Variants in ITPR3 observed in about 807,000 individuals in gnomAD.
ITPR3 encodes inositol 1,4,5-trisphosphate receptor type 3, also known as inositol 1,4,5-trisphosphate-gated calcium channel ITPR3.
A neutral mutation model predicts 293.2 loss-of-function variants in ITPR3; 173 were observed. The observed-to-expected ratio is 0.59, with a 90% CI of 0.52 to 0.67. The LOEUF is 0.67. Among genes scored for constraint, ITPR3 ranks in the 30% least tolerant of loss-of-function variants. ITPR3 has a pLI of 0.00. For missense variants in ITPR3, 2,796 were observed against 3,592.1 expected, an observed-to-expected ratio of 0.78 and a Z score of 5.66; for synonymous variants, 1,295 against 1,444.4, an observed-to-expected ratio of 0.90 and a Z score of 2.35.
intron 43 of ITPR3, 40 bp downstream of exon 43, chr6:33,686,559 T>C (rs767405834): frequency 6.9e-7 from 1 of 1,448,564 alleles, no homozygotes; most frequent in African/African-American, 1.4e-5. Context: ...TGGGTGTGCA[T>C]GTGATGTGCA....
At position 33,696,090 on chromosome 6, in the gene ITPR3, G is replaced by A. The variant is rs1765536863; in HGVS notation, c.*310G>A. On this transcript the variant is annotated 3_prime_UTR_variant, in exon 58 of 58. Coordinates refer to ENST00000605930, the MANE Select transcript of ITPR3 (RefSeq NM_002224.4). ...TTAAAGCAATAACTGACAACTCTTT[G>A]TAGTCCTCCTTGTGGGTAGTTAAGA... The A allele has an allele frequency of 2.8e-6, 1 of 356,428 alleles. No homozygotes were observed. The highest frequency in any genetic ancestry group is 4.3e-5 in the Admixed American group (1 of 23,380). 22.1% of individuals were successfully genotyped at this position (356,428 alleles called of 1,614,324 possible). A position where few individuals can be genotyped will look rare whatever the true frequency, so the allele number is the denominator to read the frequency against.
At position 33,693,565 on chromosome 6, in the gene ITPR3, G is replaced by T; in HGVS notation, c.7645G>T (p.Asp2549Tyr). 6.2e-7 allele frequency: 1 copy of T among 1,614,094 alleles called. No individual in the cohort carries two copies. The highest frequency in any genetic ancestry group is 1.1e-5 in the South Asian group (1 of 91,054). ...FICGLERDKF[D>Y]NKTVSFEEHI... ...CTCAGGTCTGGAGAGGGACAAGTTTGATAACAAGACAGTGTCATTTGAGGA... is the reference window on the plus strand; with the variant it reads ...CTCAGGTCTGGAGAGGGACAAGTTTTATAACAAGACAGTGTCATTTGAGGA... The change falls in exon 56 of 58, where the codon GAT becomes TAT. Residue 2549 changes from aspartate to tyrosine, a missense_variant. Transcript: ENST00000605930.
At position 33,654,316 on chromosome 6, in the gene ITPR3, A is replaced by G. The variant is rs1017664067; in HGVS notation, c.161-1450A>G. 3.9e-5 allele frequency among the ~76,000 whole-genome samples: 6 copies of G among 152,158 alleles called. No individual in the cohort carries two copies. Among genetic ancestry groups the G allele is most frequent in the Admixed American group, 1.3e-4 (2 of 15,268 alleles). ...AAATAAAAAAGACACACTCTCTCCA[A>G]CAAACTGAGTGCTCTTTCGGAAGTG... On this transcript the variant is annotated intron_variant, in intron 2 of 57. Coordinates refer to ENST00000605930, the MANE Select transcript of ITPR3 (RefSeq NM_002224.4). The surrounding 1 kb of genome is among the most constrained non-coding windows in gnomAD (Gnocchi z 4.1).
chr6:33,675,962 T>C lies in ITPR3; in HGVS notation c.3282+106T>C. On this transcript the variant is annotated intron_variant, in intron 25 of 57. Transcript: ENST00000605930. The surrounding 1 kb of genome is among the most constrained non-coding windows in gnomAD (Gnocchi z 5.0). ...TCACAGCTCAAGGGGTAACTTGGGA[T>C]GCCCATTTGGGGTTTTCAGCCTTGC... The C allele has an allele frequency of 7.4e-7, 1 of 1,345,358 alleles. No homozygotes were observed. The highest frequency in any genetic ancestry group is 9.9e-7 in the Non-Finnish European group (1 of 1,012,412). 83.3% of individuals were successfully genotyped at this position (1,345,358 alleles called of 1,614,324 possible). A position where few individuals can be genotyped will look rare whatever the true frequency, so the allele number is the denominator to read the frequency against.
chr6:33,652,762 C>A (rs1412644431), intron 2 of ITPR3, among the ~76,000 whole-genome samples: 1 of 152,076 alleles, frequency 6.6e-6, no homozygotes, highest in Non-Finnish European at 1.5e-5. Context: ...CCGTGCCTGG[C>A]CTATATATCC....
Position 33,655,727 on chromosome 6 carries a change from A to G in ITPR3, c.161-39A>G, listed in dbSNP as rs2127257786. 11 of 1,613,160 alleles carry G rather than the reference A, an allele frequency of 6.8e-6. No homozygotes were observed. The highest frequency in any genetic ancestry group is 9.3e-6 in the Non-Finnish European group (11 of 1,179,448). On this transcript the variant is annotated intron_variant, in intron 2 of 57. Coordinates refer to ENST00000605930, the MANE Select transcript of ITPR3 (RefSeq NM_002224.4). The surrounding 1 kb of genome is among the most constrained non-coding windows in gnomAD (Gnocchi z 4.9). Reference sequence around the variant, plus strand: ...CTCCAGGGAGGGCCCTGAGCCCCAGATGAATCATTCCCCTCACCCCCAACC... The same window carrying G: ...CTCCAGGGAGGGCCCTGAGCCCCAGGTGAATCATTCCCCTCACCCCCAACC...
chr6:33,662,780 A>C, intron 8 of ITPR3, 106 bp downstream of exon 8: 4 of 1,503,620 alleles, frequency 2.7e-6, no homozygotes, highest in Non-Finnish European at 3.6e-6. Context: ...CCTCCCTCTG[A>C]GTCCCTCCAG....
At chr6:33,680,782 A>G in intron 33 of ITPR3, 102 bp downstream of exon 33, 1 of 1,404,414 alleles carries the variant, frequency 7.1e-7, no homozygotes, top group Non-Finnish European at 9.6e-7. Flanking sequence ...TATAGTACAG[A>G]AAGAAGTAAC....
In ITPR3 at chr6:33,679,908, C is replaced by A; in HGVS notation, c.3999C>A (p.Val1333=). Residue 1333 remains valine, a synonymous_variant, in exon 31 of 58, where the codon GTC becomes GTA. Transcript: ENST00000605930. This position sits in a 1 kb window ranked among gnomAD's most constrained non-coding sequence, Gnocchi z 4.2. ...TGACCAATGCAGGTGACGATGTGGT[C>A]GTGTTCTACAATGATAAGGCATCGC... The part of the protein sequence containing the change: ...TELTNAGDDV[V]VFYNDKASLA... 6.2e-7 allele frequency: 1 copy of A among 1,613,524 alleles called. No homozygotes were observed. The highest frequency in any genetic ancestry group is 1.1e-5 in the South Asian group (1 of 91,040).
rs560648406 is a variant in ITPR3, at chr6:33,683,033, G to A, written c.4598-174G>A. ...GGCAGAAACTCCTTTTACCCAACAA[G>A]GGGAAGAAAGCCTCTCAGTCCCTCA... On this transcript the variant is annotated intron_variant, in intron 34 of 57. Transcript: ENST00000605930. The surrounding 1 kb of genome is among the most constrained non-coding windows in gnomAD (Gnocchi z 4.5). Among the ~76,000 whole-genome samples the A allele has an allele frequency of 6.7e-6, 1 of 149,042 alleles. No homozygotes were observed. The highest frequency in any genetic ancestry group is 2.0e-4 in the East Asian group (1 of 4,904).
At position 33,680,724 on chromosome 6, in the gene ITPR3, C is replaced by T. The variant is rs75597785; in HGVS notation, c.4476+44C>T. ...ACCACCCCAGGGCCGACTTGCCTAG[C>T]TTTTGTGAAGGGAAGGGGGGAAATA... On this transcript the variant is annotated intron_variant, in intron 33 of 57. Transcript: ENST00000605930. 3.1e-4 allele frequency: 488 copies of T among 1,582,452 alleles called. 2 individuals are homozygous for T. The African/African-American group carries it at 5.7e-3, about 18-fold the overall frequency.
intron 13 of ITPR3, among the ~76,000 whole-genome samples, chr6:33,665,563 T>C (rs994331391): frequency 6.6e-6 from 1 of 152,104 alleles, no homozygotes. Context: ...ACTCCCCGCC[T>C]TGTGCCCTGT....
Position 33,685,817 on chromosome 6 carries a change from G to A in ITPR3, c.5657G>A (p.Arg1886Gln), listed in dbSNP as rs531085782. ...FLQLLCENHN[R>Q]DLQNFLRCQN... ...CAGCTGCTGTGTGAGAACCACAACCGGGACCTGCAGGTGAGTGCCTCGCCA... is the reference window on the plus strand; with the variant it reads ...CAGCTGCTGTGTGAGAACCACAACCAGGACCTGCAGGTGAGTGCCTCGCCA... Residue 1886 changes from arginine (R) to glutamine (Q), a missense_variant, in exon 41 of 58, where the codon CGG becomes CAG. Transcript: ENST00000605930. 88 of 1,568,290 alleles carry A rather than the reference G, an allele frequency of 5.6e-5. No homozygotes were observed. Among genetic ancestry groups the A allele is most frequent in the East Asian group, 2.3e-4 (10 of 44,316 alleles).
In ITPR3 at chr6:33,663,851, C is replaced by T; in HGVS notation, c.1119C>T (p.Thr373=). ...CTCTCTTTGAGCTGGACCCCACCAC[C>T]TTGCAGAAAACCGACTCTTTCGTGC... ...IASLFELDPT[T]LQKTDSFVPR... is the part of the protein sequence containing the mutation. The change falls in exon 11 of 58, where the codon ACC becomes ACT. Residue 373 remains threonine, a synonymous_variant. Coordinates refer to ENST00000605930, the MANE Select transcript of ITPR3 (RefSeq NM_002224.4). 1 of 1,614,196 alleles carries T rather than the reference C, an allele frequency of 6.2e-7. No individual in the cohort carries two copies. Among genetic ancestry groups the T allele is most frequent in the South Asian group, 1.1e-5 (1 of 91,092 alleles).
At chr6:33,641,529 C>T (rs965657421) in intron 2 of ITPR3, among the ~76,000 whole-genome samples, 22 of 152,278 alleles carry the variant, frequency 1.4e-4, no homozygotes, top group Admixed American at 2.6e-4. Context: ...TCTGTTCCTG[C>T]TTCCATCACG....
At position 33,670,643 on chromosome 6, in the gene ITPR3, C is replaced by A; in HGVS notation, c.2442-28C>A. ...GCTGGAGTGGGTGTATCTCGGGGAC[C>A]TTCATGCCTCATGGCCTCCACCCTC... On this transcript the variant is annotated intron_variant, in intron 19 of 57. Coordinates refer to ENST00000605930, the MANE Select transcript of ITPR3 (RefSeq NM_002224.4). The surrounding 1 kb of genome is among the most constrained non-coding windows in gnomAD (Gnocchi z 6.7). 1 of 1,613,708 alleles carries A rather than the reference C, an allele frequency of 6.2e-7. No homozygotes were observed. The highest frequency in any genetic ancestry group is 1.1e-5 in the South Asian group (1 of 91,060).
chr6:33,693,370 C>T (rs1765448237), intron 55 of ITPR3, among the ~76,000 whole-genome samples, 175 bp from the exon 56 acceptor site: 1 of 152,198 alleles, frequency 6.6e-6, no homozygotes, highest in Non-Finnish European at 1.5e-5. Context: ...AGGATCTCCA[C>T]TAAGTGGCTG....
intron 51 of ITPR3, 41 bp downstream of exon 51, chr6:33,690,239 G>T: frequency 6.4e-7 from 1 of 1,569,732 alleles, no homozygotes; most frequent in South Asian, 1.1e-5. Context: ...TGGGGGCATG[G>T]GGTGGTTGGG....
chr6:33,668,507 C>T lies in ITPR3; in HGVS notation c.1887-8C>T. 1 of 1,614,158 alleles carries T rather than the reference C, an allele frequency of 6.2e-7. No individual in the cohort carries two copies. ...CCCTCTTCCCACCGCTGGCTGTCACCACCCCAGGTTCCTGGACTACCTCTC... is the reference window on the plus strand; with the variant it reads ...CCCTCTTCCCACCGCTGGCTGTCACTACCCCAGGTTCCTGGACTACCTCTC... On this transcript the variant is annotated splice_polypyrimidine_tract_variant and splice_region_variant and intron_variant, in intron 16 of 57. Transcript: ENST00000605930.
Sources: gnomAD v4.1 joint callset for allele counts (sites outside exome capture counted in the v4.1 genomes callset) on GRCh38, gnomAD v4.1.1 for gene constraint, Gnocchi (gnomAD v3.1) non-coding constraint, MANE v1.5 for transcripts, NCBI Gene and HGNC (gene_info 2026-07-23, HGNC 2026-07-21) for gene names.